MCM5: variants seen among roughly 807,000 people sequenced by gnomAD.
MCM5 encodes minichromosome maintenance complex component 5.
In MCM5, 46 loss-of-function variants were observed where a neutral mutation model predicts 79.9. The ratio of observed to expected loss-of-function variants is 0.58; its 90% confidence interval spans 0.45 to 0.74. The LOEUF is 0.74. Among genes scored for constraint, MCM5 ranks in the 30% least tolerant of loss-of-function variants. The probability of loss-of-function intolerance (pLI) is 0.00; values close to 1 mark genes in which losing one functional copy is unlikely to be tolerated. For missense variants in MCM5, 883 were observed against 1,017.0 expected (o/e 0.87, Z 1.79); for synonymous variants, 404 against 390.5 (o/e 1.03, Z -0.41).
chr22:35,454,841 T>A, the MCM5 span, among the ~76,000 whole-genome samples: 2 of 152,084 alleles, frequency 1.3e-5, no homozygotes, highest in Non-Finnish European at 2.9e-5. Flanking sequence ...TCCCTGTGCT[T>A]GCAAAATGTG....
intron 16 of MCM5, 93 bp downstream of exon 16, chr22:35,423,434 G>C (rs1932744340): frequency 7.1e-7 from 1 of 1,407,664 alleles, no homozygotes; most frequent in East Asian, 2.6e-5. Flanking sequence ...TTACTCAGCA[G>C]ACAGGCCCTG....
At chr22:35,402,681 C>G (rs1238296548) in intron 2 of MCM5, among the ~76,000 whole-genome samples, 1 of 152,032 alleles carries the variant, frequency 6.6e-6, no homozygotes, top group African/African-American at 2.4e-5. Context: ...GTAGCTGGGA[C>G]TACAGGCGTA....
chr22:35,436,616 C>G, the MCM5 span, among the ~76,000 whole-genome samples: 1 of 152,174 alleles, frequency 6.6e-6, no homozygotes, highest in Non-Finnish European at 1.5e-5. Flanking sequence ...GCCCTCTCCC[C>G]CTCAATTCCC....
In MCM5 at chr22:35,416,626, G is replaced by T; in HGVS notation, c.1414-12G>T. On this transcript the variant is annotated splice_polypyrimidine_tract_variant and intron_variant, in intron 11 of 16. Coordinates refer to ENST00000216122, the MANE Select transcript of MCM5 (RefSeq NM_006739.4). ...CATCTCCTCCCCCTTTTCGTCGTCT[G>T]TCGCCTGTTAGGCTGGGATCACCAC... The T allele has an allele frequency of 1.2e-6, 2 of 1,605,670 alleles. No homozygotes were observed. Among genetic ancestry groups the T allele is most frequent in the African/African-American group, 2.7e-5 (2 of 74,706 alleles).
At chr22:35,428,021 C>T (rs1249324810), downstream of MCM5, among the ~76,000 whole-genome samples, 2 of 132,400 alleles carry the variant, frequency 1.5e-5, no homozygotes, top group African/African-American at 3.1e-5. Flanking sequence ...CTCTCTCTCT[C>T]TTTTTTTTTT....
the MCM5 span, among the ~76,000 whole-genome samples, chr22:35,449,143 G>A: frequency 2.6e-5 from 4 of 152,136 alleles, no homozygotes; most frequent in African/African-American, 7.2e-5. Context: ...GAAACCGAGG[G>A]TACTGAGATG....
chr22:35,430,217 A>G (rs1033011555), downstream of MCM5, among the ~76,000 whole-genome samples: 4 of 152,212 alleles, frequency 2.6e-5, no homozygotes, highest in African/African-American at 4.8e-5. Flanking sequence ...CCTGAGTGTG[A>G]CACCTAATGC....
the MCM5 span, among the ~76,000 whole-genome samples, chr22:35,448,455 C>A: frequency 3.3e-5 from 5 of 152,216 alleles, no homozygotes; most frequent in East Asian, 9.6e-4. Context: ...ACATGCCAGA[C>A]CCTCCACTCC....
intron 6 of MCM5, among the ~76,000 whole-genome samples, chr22:35,408,815 C>G (rs1434544013): frequency 6.6e-6 from 1 of 152,238 alleles, no homozygotes; most frequent in African/African-American, 2.4e-5. Flanking sequence ...AAATGACTTC[C>G]TGTGTGGAGG....
At chr22:35,418,694 C>CACAG (rs1439574171) in intron 13 of MCM5, among the ~76,000 whole-genome samples, 1 of 151,390 alleles carries the variant, frequency 6.6e-6, no homozygotes, top group East Asian at 1.9e-4. Context: ...TGTACACACA[C>CACAG]ACACACACAC....
chr22:35,442,307 C>T, the MCM5 span, among the ~76,000 whole-genome samples: 26 of 151,652 alleles, frequency 1.7e-4, no homozygotes, highest in East Asian at 2.9e-3. Flanking sequence ...CTCTGCTCTT[C>T]GGCCTAGGGG....
chr22:35,430,502 C>CT, the MCM5 span, among the ~76,000 whole-genome samples: 1,866 of 138,734 alleles, frequency 0.013, 25 homozygotes, highest in Middle Eastern at 0.041. Context: ...CCAGTGGGGA[C>CT]TTTTTTTTTT....
At chr22:35,435,513 C>T in the MCM5 span, among the ~76,000 whole-genome samples, 2 of 152,300 alleles carry the variant, frequency 1.3e-5, no homozygotes, top group African/African-American at 4.8e-5. Context: ...CAGAACAACT[C>T]CCCCGTTGCT....
At position 35,425,062 on chromosome 22, in the gene MCM5, C is replaced by T. The variant is rs1475458093; in HGVS notation, c.*807C>T. The T allele has an allele frequency of 6.6e-6, 1 of 152,154 alleles. No individual in the cohort carries two copies. Among genetic ancestry groups the T allele is most frequent in the Non-Finnish European group, 1.5e-5 (1 of 68,040 alleles). The allele number at this position is 152,154 out of a possible 1,614,324, so 9.4% of individuals were successfully genotyped here. On this transcript the variant is annotated 3_prime_UTR_variant, in exon 17 of 17. Coordinates refer to ENST00000216122, the MANE Select transcript of MCM5 (RefSeq NM_006739.4). The stretch of plus-strand genomic sequence containing the variant: ...TTCTGTGCCTGAGTTTATCAGTAAA[C>T]TGGAGATGGGGGGATTCCTCACCCT...
chr22:35,416,324 C>T lies in MCM5; in HGVS notation c.1348-15C>T. 1 of 1,612,870 alleles carries T rather than the reference C, an allele frequency of 6.2e-7. No individual in the cohort carries two copies. The highest frequency in any genetic ancestry group is 1.3e-5 in the African/African-American group (1 of 75,020). On this transcript the variant is annotated splice_polypyrimidine_tract_variant and intron_variant, in intron 10 of 16. Transcript: ENST00000216122. ...CTTCAGTAGGTCTGATGATATTTCT[C>T]TCTTCCCCACTTAGATGCGAGAAGA... is the stretch of plus-strand genomic sequence containing the variant.
intron 4 of MCM5, among the ~76,000 whole-genome samples, chr22:35,405,547 A>T (rs1932187881): frequency 6.6e-6 from 1 of 151,006 alleles, no homozygotes. Flanking sequence ...TTGTATTTTT[A>T]GTAGAGACGG....
chr22:35,415,540 T>C (rs576420578), intron 9 of MCM5, among the ~76,000 whole-genome samples: 1 of 152,314 alleles, frequency 6.6e-6, no homozygotes, highest in Admixed American at 6.5e-5. Context: ...AGTTTGCTCA[T>C]CTGTGAGTTG....
intron 4 of MCM5, among the ~76,000 whole-genome samples, chr22:35,405,391 G>A (rs368434303): frequency 6.6e-5 from 10 of 151,232 alleles, no homozygotes; most frequent in African/African-American, 2.4e-4. Flanking sequence ...TTTTGAGACG[G>A]AGTTTGACTC....
chr22:35,412,257 T>C (rs1416122250), intron 7 of MCM5, among the ~76,000 whole-genome samples: 2 of 152,222 alleles, frequency 1.3e-5, no homozygotes, highest in African/African-American at 2.4e-5. Context: ...CAAGGTCCTA[T>C]GCCATCTGGC....
Sources: gnomAD v4.1 joint callset for allele counts (sites outside exome capture counted in the v4.1 genomes callset) on GRCh38, gnomAD v4.1.1 for gene constraint, MANE v1.5 for transcripts, NCBI Gene and HGNC (gene_info 2026-07-23, HGNC 2026-07-21) for gene names.